ZNG1C: variants seen among roughly 807,000 people sequenced by gnomAD.
ZNG1C encodes the protein Zn regulated GTPase metalloprotein activator 1C.
chr9:68,287,561 T>C, the ZNG1C span, among the ~76,000 whole-genome samples: 1 of 152,298 alleles, frequency 6.6e-6, no homozygotes, highest in Non-Finnish European at 1.5e-5. Context: ...AAAAAACAAA[T>C]GTATTTTAAT....
At chr9:68,294,847 A>AAAG in the ZNG1C span, among the ~76,000 whole-genome samples, 2 of 151,366 alleles carry the variant, frequency 1.3e-5, no homozygotes, top group South Asian at 4.2e-4. Flanking sequence ...GGACATAACC[A>AAAG]AAGAAGAAAA....
At chr9:68,280,148 TTCAGCTCCA>T in the ZNG1C span, among the ~76,000 whole-genome samples, 51 of 137,636 alleles carry the variant, frequency 3.7e-4, no homozygotes, top group African/African-American at 1.3e-3. Flanking sequence ...AGCCTTGGTT[TTCAGCTCCA>T]TCAGCTCCTT....
At chr9:68,281,601 A>G in the ZNG1C span, among the ~76,000 whole-genome samples, 30,258 of 51,620 alleles carry the variant, frequency 0.59, 10,279 homozygotes, top group Middle Eastern at 0.83. Flanking sequence ...TCACTCTTTA[A>G]AACTGAAGCT....
the ZNG1C span, among the ~76,000 whole-genome samples, chr9:68,257,993 G>T: frequency 9.0e-6 from 1 of 111,704 alleles, no homozygotes; most frequent in Admixed American, 9.9e-5. Flanking sequence ...ATTGCAAAAT[G>T]AATTGGTAGT....
chr9:68,268,903 CT>C, the ZNG1C span: 1 of 975,034 alleles, frequency 1.0e-6, no homozygotes, highest in Admixed American at 3.0e-5. Flanking sequence ...TACTTTTAAA[CT>C]TTGTCTTCCT....
the ZNG1C span, among the ~76,000 whole-genome samples, chr9:68,259,836 T>C: frequency 6.7e-6 from 1 of 150,306 alleles, no homozygotes; most frequent in African/African-American, 2.5e-5. Context: ...TTAAGTTTGC[T>C]TTTTTTTCCC....
the ZNG1C span, among the ~76,000 whole-genome samples, chr9:68,294,024 CA>C: frequency 5.9e-5 from 9 of 151,488 alleles, no homozygotes; most frequent in African/African-American, 2.2e-4. Context: ...AAATCAACTC[CA>C]AAAGGAACCT....
At chr9:68,281,185 C>G in the ZNG1C span, among the ~76,000 whole-genome samples, 1 of 152,124 alleles carries the variant, frequency 6.6e-6, no homozygotes, top group African/African-American at 2.4e-5. Context: ...ATGCCTCGCC[C>G]TGCTTTGGCT....
chr9:68,299,244 G>A, the ZNG1C span: 20 of 1,556,362 alleles, frequency 1.3e-5, no homozygotes, highest in Middle Eastern at 7.2e-4. Flanking sequence ...ACATTACAAC[G>A]TTCGTAAAAG....
chr9:68,260,145 T>G, the ZNG1C span, among the ~76,000 whole-genome samples: 1 of 150,922 alleles, frequency 6.6e-6, no homozygotes, highest in African/African-American at 2.5e-5. Flanking sequence ...CCCAAATTAT[T>G]CATTTTGAAT....
the ZNG1C span, among the ~76,000 whole-genome samples, chr9:68,287,660 C>T: frequency 6.6e-6 from 1 of 152,288 alleles, no homozygotes; most frequent in Non-Finnish European, 1.5e-5. Context: ...AAGCAAATTC[C>T]AGACATTATG....
chr9:68,296,386 G>T, the ZNG1C span, among the ~76,000 whole-genome samples: 1 of 151,890 alleles, frequency 6.6e-6, no homozygotes, highest in African/African-American at 2.4e-5. Flanking sequence ...CAGGTGATGG[G>T]TGTACCAAAA....
the ZNG1C span, among the ~76,000 whole-genome samples, chr9:68,266,761 G>A: frequency 1.1e-4 from 15 of 141,678 alleles, no homozygotes; most frequent in South Asian, 1.9e-3. Flanking sequence ...GTCTCTCCCC[G>A]CTTCCTATGT....
chr9:68,247,512 C>T, the ZNG1C span: 11 of 1,590,364 alleles, frequency 6.9e-6, no homozygotes, highest in South Asian at 5.6e-5. Context: ...TTATAAAATG[C>T]AGTTTCTGCT....
At chr9:68,275,285 TTTA>T in the ZNG1C span, among the ~76,000 whole-genome samples, 1 of 139,664 alleles carries the variant, frequency 7.2e-6, no homozygotes, top group Non-Finnish European at 1.6e-5. Flanking sequence ...CTCTCTTCAC[TTTA>T]TTTTTTTATT....
At chr9:68,281,277 A>G in the ZNG1C span, among the ~76,000 whole-genome samples, 1 of 152,266 alleles carries the variant, frequency 6.6e-6, no homozygotes, top group Non-Finnish European at 1.5e-5. Context: ...TCAGATGGAA[A>G]TGGAGAAATC....
At chr9:68,244,610 A>G in the ZNG1C span, among the ~76,000 whole-genome samples, 1 of 140,124 alleles carries the variant, frequency 7.1e-6, no homozygotes, top group Non-Finnish European at 1.5e-5. Context: ...TAAAGAAATG[A>G]TATAGTCATA....
chr9:68,276,333 C>T, the ZNG1C span, among the ~76,000 whole-genome samples: 1 of 132,274 alleles, frequency 7.6e-6, no homozygotes, highest in Non-Finnish European at 1.6e-5. Context: ...TCAATTTTGG[C>T]TTTTGTTACC....
chr9:68,287,424 A>G, the ZNG1C span, among the ~76,000 whole-genome samples: 2 of 151,974 alleles, frequency 1.3e-5, no homozygotes, highest in Non-Finnish European at 2.9e-5. Flanking sequence ...GATTTCAAAG[A>G]TATAAAAGAA....
Sources: allele counts gnomAD v4.1 joint callset (sites outside exome capture counted in the v4.1 genomes callset), GRCh38; gene constraint gnomAD v4.1.1; transcripts MANE v1.5; gene names NCBI Gene and HGNC (gene_info 2026-07-23, HGNC 2026-07-21).